ZNF613: variants seen among roughly 807,000 people sequenced by gnomAD.
ZNF613 encodes zinc finger protein 613.
ZNF613 carries 8 observed loss-of-function variants against 14.3 expected under a neutral mutation model. The observed-to-expected ratio is 0.56, with a 90% CI of 0.33 to 1.01. The LOEUF (loss-of-function observed/expected upper bound fraction) is 1.01. Among genes scored for constraint, ZNF613 ranks in the 50% least tolerant of loss-of-function variants. ZNF613 has a pLI of 0.03. For missense variants in ZNF613, 656 were observed against 741.9 expected, an observed-to-expected ratio of 0.88 and a Z score of 1.35; for synonymous variants, 228 against 254.5, an observed-to-expected ratio of 0.90 and a Z score of 0.99.
intron 1 of ZNF613, among the ~76,000 whole-genome samples, chr19:51,928,901 A>G (rs2085241686): frequency 6.6e-6 from 1 of 151,968 alleles, no homozygotes; most frequent in Non-Finnish European, 1.5e-5. Context: ...AAAGGAAAAA[A>G]CAAAACGAAG....
At chr19:51,938,725 G>GATAGATATATATATATATATAT (rs1413058995) in intron 3 of ZNF613, among the ~76,000 whole-genome samples, 44 of 118,872 alleles carry the variant, frequency 3.7e-4, no homozygotes, top group African/African-American at 1.7e-3. Context: ...AATGTACATG[G>GATAGATATATATATATATATAT]ATATATATAT....
chr19:51,944,574 C>T lies in ZNF613; in HGVS notation c.691C>T (p.Pro231Ser), dbSNP rs2085377872. Reference protein sequence around the residue: ...YHQRVHTGEKPHGCSICGKAF... With the variant: ...YHQRVHTGEKSHGCSICGKAF... ...TCAGAGAGTTCACACTGGGGAGAAA[C>T]CTCATGGATGCAGTATATGTGGGAA... The change falls in exon 6 of 6, where the codon CCT becomes TCT. Residue 231 changes from proline (P) to serine (S), a missense_variant. Transcript: ENST00000293471. 3 of 1,614,168 alleles carry T rather than the reference C, an allele frequency of 1.9e-6. No homozygotes were observed. The South Asian group carries it at 3.3e-5, about 18-fold the overall frequency.
At chr19:51,941,816 C>T (rs7258701) in intron 5 of ZNF613, among the ~76,000 whole-genome samples, 26,661 of 152,168 alleles carry the variant, frequency 0.18, 3,224 homozygotes, top group African/African-American at 0.34. Context: ...CCTCAGCTAC[C>T]GTATTTAAAG....
chr19:51,942,979 G>A (rs756564936), intron 5 of ZNF613, among the ~76,000 whole-genome samples: 2 of 152,202 alleles, frequency 1.3e-5, no homozygotes. Context: ...TTACAGGCGT[G>A]AGCCACTGCA....
At chr19:51,938,146 C>G (rs545454664) in intron 3 of ZNF613, among the ~76,000 whole-genome samples, 14 of 151,990 alleles carry the variant, frequency 9.2e-5, no homozygotes, top group Non-Finnish European at 1.9e-4. Flanking sequence ...GGGTCCAAGG[C>G]AAGGTTACCC....
intron 2 of ZNF613, among the ~76,000 whole-genome samples, chr19:51,933,079 C>T (rs1418718938): frequency 6.6e-6 from 1 of 152,186 alleles, no homozygotes; most frequent in African/African-American, 2.4e-5. Flanking sequence ...CCTGCCTTAC[C>T]GTTCACTTCC....
At chr19:51,940,552 TC>T in intron 4 of ZNF613, 64 bp from the exon 5 acceptor site, 3 of 1,522,004 alleles carry the variant, frequency 2.0e-6, no homozygotes, top group Non-Finnish European at 2.7e-6. Context: ...CAGAACATGG[TC>T]CCATGTTGAT....
Position 51,946,306 on chromosome 19 carries a change from TA to T in ZNF613, c.*570del, listed in dbSNP as rs2085401372. On this transcript the variant is annotated 3_prime_UTR_variant, in exon 6 of 6. Coordinates refer to ENST00000293471, the MANE Select transcript of ZNF613 (RefSeq NM_001031721.4). ...ACAGGATGTGTATTTTAGGACAATA[TA>T]CCTTGAATCACTAGTTGATATGTCA... The T allele has an allele frequency of 6.5e-6, 1 of 154,010 alleles. No individual in the cohort carries two copies. The highest frequency in any genetic ancestry group is 2.4e-5 in the African/African-American group (1 of 41,456). 9.5% of individuals were successfully genotyped at this position (154,010 alleles called of 1,614,324 possible).
intron 3 of ZNF613, among the ~76,000 whole-genome samples, chr19:51,939,961 A>C (rs1490920007): frequency 6.6e-6 from 1 of 152,158 alleles, no homozygotes; most frequent in Non-Finnish European, 1.5e-5. Flanking sequence ...TTCTTATAGA[A>C]ACTTCTGATT....
At chr19:51,938,192 G>A (rs2085319513) in intron 3 of ZNF613, among the ~76,000 whole-genome samples, 1 of 152,108 alleles carries the variant, frequency 6.6e-6, no homozygotes. Flanking sequence ...GGTCATCCAG[G>A]AATAAAACCT....
At chr19:51,942,081 T>C (rs1440166088) in intron 5 of ZNF613, among the ~76,000 whole-genome samples, 1 of 152,248 alleles carries the variant, frequency 6.6e-6, no homozygotes, top group African/African-American at 2.4e-5. Context: ...TGTCAGGTGA[T>C]ATTCTAGTTG....
chr19:51,941,927 A>G (rs951713333), intron 5 of ZNF613, among the ~76,000 whole-genome samples: 11 of 152,208 alleles, frequency 7.2e-5, no homozygotes, highest in African/African-American at 2.7e-4. Flanking sequence ...TTCCTTTTGG[A>G]ATCATTAATT....
chr19:51,943,501 A>G (rs1317871454), intron 5 of ZNF613, among the ~76,000 whole-genome samples: 2 of 152,224 alleles, frequency 1.3e-5, no homozygotes, highest in African/African-American at 4.8e-5. Flanking sequence ...TCAAGGTATC[A>G]CAGTGCTTGT....
rs1243398923 is a variant in ZNF613 at position 51,940,333 on chromosome 19, T to C, written c.140T>C (p.Val47Ala). 6.2e-7 allele frequency: 1 copy of C among 1,612,818 alleles called. No homozygotes were observed. The highest frequency in any genetic ancestry group is 2.2e-5 in the East Asian group (1 of 44,816). Reference protein sequence around the residue: ...MLENYSNLVSVGYQASKPDAL... With the variant: ...MLENYSNLVSAGYQASKPDAL... ...GAGAACTATAGCAACCTCGTGTCAGTGGGTGAGGACAGCTGCCCTGTGTCA... is the reference window on the plus strand; with the variant it reads ...GAGAACTATAGCAACCTCGTGTCAGCGGGTGAGGACAGCTGCCCTGTGTCA... Residue 47 changes from valine (V) to alanine (A), a missense_variant and splice_region_variant, in exon 4 of 6, where the codon GTG (valine) becomes GCG (alanine). Coordinates refer to ENST00000293471, the MANE Select transcript of ZNF613 (RefSeq NM_001031721.4).
chr19:51,934,234 T>G (rs11666461), intron 2 of ZNF613, among the ~76,000 whole-genome samples: 18,852 of 152,218 alleles, frequency 0.12, 1,374 homozygotes, highest in South Asian at 0.26. Flanking sequence ...CTTGAGTTTT[T>G]GATTTTTCGA....
chr19:51,932,302 CT>C (rs34474633), intron 2 of ZNF613, among the ~76,000 whole-genome samples: 4,131 of 90,946 alleles, frequency 0.045, 108 homozygotes, highest in African/African-American at 0.15. Flanking sequence ...CTCCCAACAT[CT>C]TTTTTTTTTT....
At chr19:51,933,691 A>C (rs1341398459) in intron 2 of ZNF613, among the ~76,000 whole-genome samples, 2 of 152,222 alleles carry the variant, frequency 1.3e-5, no homozygotes, top group Non-Finnish European at 2.9e-5. Flanking sequence ...TGTTGGCCAC[A>C]ATCTTTAAGA....
intron 2 of ZNF613, among the ~76,000 whole-genome samples, chr19:51,930,382 C>T (rs2085255018): frequency 6.6e-6 from 1 of 152,140 alleles, no homozygotes; most frequent in African/African-American, 2.4e-5. Flanking sequence ...CTGCCTCAGC[C>T]TCCCAAGTAG....
At chr19:51,936,840 AG>A (rs1233330127) in intron 3 of ZNF613, among the ~76,000 whole-genome samples, 2 of 152,114 alleles carry the variant, frequency 1.3e-5, no homozygotes, top group Non-Finnish European at 2.9e-5. Context: ...TTCAGTATGG[AG>A]GCTGGTTGCC....
Sources: gnomAD v4.1 joint callset for allele counts (sites outside exome capture counted in the v4.1 genomes callset) on GRCh38, gnomAD v4.1.1 for gene constraint, MANE v1.5 for transcripts, NCBI Gene and HGNC (gene_info 2026-07-23, HGNC 2026-07-21) for gene names.